SDK2: variants seen among roughly 807,000 people sequenced by gnomAD.
The protein encoded by SDK2 is sidekick cell adhesion molecule 2.
In SDK2, 105 loss-of-function variants were observed where a neutral mutation model predicts 253.9. That is an observed-to-expected ratio of 0.41 (90% CI 0.35 to 0.49). The LOEUF is 0.49. Among genes scored for constraint, SDK2 ranks in the 20% least tolerant of loss-of-function variants. SDK2 has a pLI of 0.06. For synonymous variants in SDK2, 1,249 were observed against 1,234.9 expected, an observed-to-expected ratio of 1.01 and a Z score of -0.24; for missense variants, 2,608 against 3,003.0, an observed-to-expected ratio of 0.87 and a Z score of 3.07.
At chr17:73,533,353 C>T (rs2064185817) in intron 1 of SDK2, among the ~76,000 whole-genome samples, 1 of 152,232 alleles carries the variant, frequency 6.6e-6, no homozygotes, top group South Asian at 2.1e-4. Flanking sequence ...GGCTGCCGAG[C>T]CTGGAGGAAT....
chr17:73,569,847 C>T (rs541647966), intron 1 of SDK2, among the ~76,000 whole-genome samples: 3 of 152,132 alleles, frequency 2.0e-5, no homozygotes, highest in South Asian at 4.2e-4. Context: ...AAGCCTGTAC[C>T]CTTCCTTCCT....
intron 1 of SDK2, among the ~76,000 whole-genome samples, chr17:73,586,229 A>G (rs2145890462): frequency 6.6e-6 from 1 of 151,926 alleles, no homozygotes; most frequent in Middle Eastern, 3.4e-3. Flanking sequence ...CCTGCTGGCT[A>G]GCTCTCCCTG....
chr17:73,461,610 G>T (rs537417912), intron 3 of SDK2, among the ~76,000 whole-genome samples: 46 of 152,314 alleles, frequency 3.0e-4, no homozygotes, highest in Admixed American at 7.8e-4. Flanking sequence ...CCATGGATTT[G>T]TTCAGTGGAT....
At chr17:73,587,831 C>T (rs997267538) in intron 1 of SDK2, among the ~76,000 whole-genome samples, 2 of 152,180 alleles carry the variant, frequency 1.3e-5, no homozygotes, top group Admixed American at 6.5e-5. Flanking sequence ...CTTCTCATTG[C>T]TTTGTGAGTC....
rs760053808 is a variant in SDK2 at position 73,398,197 on chromosome 17, G to A, written c.3204-12C>T. ...GGCGCATGCGGAAGCTGGGGTTGGG[G>A]AGAGATGAGCAAGATGGTAAGGGCA... is the stretch of plus-strand genomic sequence containing the variant. On this transcript the variant is annotated splice_polypyrimidine_tract_variant and intron_variant, in intron 23 of 44. Transcript: ENST00000392650. The A allele has an allele frequency of 9.9e-6, 16 of 1,609,062 alleles. No individual in the cohort carries two copies. Among genetic ancestry groups the A allele is most frequent in the Non-Finnish European group, 1.4e-5 (16 of 1,177,382 alleles).
Position 73,350,869 on chromosome 17 carries a change from C to A in SDK2, c.5759-79G>T. ...ATCTCCTGCTCCAGTTGGGACCCTA[C>A]TAACTGCTACAATCTATGGGAAGGC... On this transcript the variant is annotated intron_variant, in intron 41 of 44. Transcript: ENST00000392650. 4.2e-6 allele frequency: 6 copies of A among 1,439,548 alleles called. No homozygotes were observed. In the South Asian group the frequency reaches 6.6e-5, roughly 16 times the overall value. The allele number at this position is 1,439,548 out of a possible 1,614,324, so 89.2% of individuals were successfully genotyped here. A position where few individuals can be genotyped will look rare whatever the true frequency, so the allele number is the denominator to read the frequency against.
At chr17:73,438,693 GGT>G (rs756590862) in intron 6 of SDK2, among the ~76,000 whole-genome samples, 4 of 152,100 alleles carry the variant, frequency 2.6e-5, no homozygotes, top group Admixed American at 6.5e-5. Flanking sequence ...GAAGAGCAAG[GGT>G]GTGAGTCTGG....
At chr17:73,426,579 T>C (rs1052137089) in intron 12 of SDK2, among the ~76,000 whole-genome samples, 6 of 152,182 alleles carry the variant, frequency 3.9e-5, no homozygotes, top group African/African-American at 1.2e-4. Context: ...GCAAAATGTT[T>C]ACAACCATTC....
chr17:73,415,731 CTCCCGTCTTGGCG>C, intron 17 of SDK2, 67 bp downstream of exon 17: 4 of 1,287,446 alleles, frequency 3.1e-6, no homozygotes, highest in Non-Finnish European at 3.2e-6. Flanking sequence ...TTGAGCAATC[CTCCCGTCTTGGCG>C]TCCCAAAGTG....
chr17:73,387,767 G>T, intron 30 of SDK2, 69 bp downstream of exon 30: 1 of 1,399,966 alleles, frequency 7.1e-7, no homozygotes. Context: ...CCCCTACCCA[G>T]TGGAGGAGCA....
chr17:73,536,501 C>T (rs376454774), intron 1 of SDK2, among the ~76,000 whole-genome samples: 2 of 152,344 alleles, frequency 1.3e-5, no homozygotes, highest in African/African-American at 4.8e-5. Flanking sequence ...CACCTGGGCA[C>T]CTCCCACCTC....
At chr17:73,398,478 G>T in intron 22 of SDK2, 49 bp from the exon 23 acceptor site, 2 of 1,511,620 alleles carry the variant, frequency 1.3e-6, no homozygotes, top group Non-Finnish European at 1.8e-6. Context: ...GGGCCCACAC[G>T]GGGTGCTCCG....
chr17:73,429,246 G>C (rs1440604160), intron 12 of SDK2, among the ~76,000 whole-genome samples: 2 of 152,078 alleles, frequency 1.3e-5, no homozygotes, highest in African/African-American at 2.4e-5. Flanking sequence ...TCTCTCCCAG[G>C]ACCTTTTTTA....
At chr17:73,552,664 G>A (rs954232222) in intron 1 of SDK2, among the ~76,000 whole-genome samples, 1 of 152,224 alleles carries the variant, frequency 6.6e-6, no homozygotes, top group Admixed American at 6.5e-5. Context: ...TAAGTCACTT[G>A]GCAGGATACG....
rs144525453 is a variant in SDK2 at position 73,338,618 on chromosome 17, G to A, written c.6488C>T (p.Ala2163Val). 5.2e-4 allele frequency: 797 copies of A among 1,528,034 alleles called. 2 individuals carry two copies. The African/African-American group carries it at 0.01, about 20-fold the overall frequency. 94.7% of individuals were successfully genotyped at this position (1,528,034 alleles called of 1,614,324 possible). Residue 2163 changes from alanine (A) to valine (V), a missense_variant, in exon 45 of 45, where the codon GCT becomes GTT. Physicochemically the swap from Ala to Val is moderately conservative, Grantham distance 64. Coordinates refer to ENST00000392650, the MANE Select transcript of SDK2 (RefSeq NM_001144952.2). The surrounding 1 kb of genome is among the most constrained non-coding windows in gnomAD (Gnocchi z 5.0). Reference sequence around the variant, plus strand: ...AAATGATGAAAATCCTGCTATGGGAGCCCGGGAGCCTGGGGCCAGGCTGCT... The same window carrying A: ...AAATGATGAAAATCCTGCTATGGGAACCCGGGAGCCTGGGGCCAGGCTGCT... ...PPSSLAPGSR[A>V]PIAGFSSFV
intron 1 of SDK2, among the ~76,000 whole-genome samples, chr17:73,508,283 C>T (rs375984556): frequency 6.6e-5 from 10 of 152,272 alleles, no homozygotes; most frequent in East Asian, 5.8e-4. Flanking sequence ...GACTCAGCCT[C>T]GCAGACCTCC....
intron 15 of SDK2, among the ~76,000 whole-genome samples, chr17:73,421,597 A>C (rs1167553361): frequency 7.6e-5 from 2 of 26,184 alleles, no homozygotes; most frequent in East Asian, 9.6e-4. Flanking sequence ...TTTTTTTTTG[A>C]GACAGTCTTG....
At chr17:73,377,990 C>T (rs1363167876) in intron 36 of SDK2, among the ~76,000 whole-genome samples, 3 of 152,202 alleles carry the variant, frequency 2.0e-5, no homozygotes, top group Admixed American at 2.0e-4. Flanking sequence ...AACCCATATC[C>T]TCCCAGCTTC....
rs746513867 is a variant in SDK2 at position 73,338,844 on chromosome 17, G to A, written c.6262C>T (p.Arg2088Trp). The change falls in exon 45 of 45, where the codon CGG becomes TGG. Residue 2088 changes from arginine (R) to tryptophan (W), a missense_variant. Arg to Trp is a moderately radical substitution (Grantham distance 101, BLOSUM62 -3). Around this residue, in one of 2 missense-constraint regions of SDK2, gnomAD observed 1,103 missense variants for 1,143.9 expected, o/e 0.96. Transcript: ENST00000392650. The surrounding 1 kb of genome is among the most constrained non-coding windows in gnomAD (Gnocchi z 5.0). ...CTCGAGATGCCCTTCTGCTGTCGCCGCCACGAGTTGTAGTATGTGGGGTCA... is the reference window on the plus strand; with the variant it reads ...CTCGAGATGCCCTTCTGCTGTCGCCACCACGAGTTGTAGTATGTGGGGTCA... ...ISDPTYYNSW[R>W]RQQKGISRAQ... is the part of the protein sequence containing the mutation. 58 of 1,613,876 alleles carry A rather than the reference G, an allele frequency of 3.6e-5. No individual in the cohort carries two copies. The highest frequency in any genetic ancestry group is 4.3e-5 in the Non-Finnish European group (51 of 1,179,900).
Sources: allele counts gnomAD v4.1 joint callset (sites outside exome capture counted in the v4.1 genomes callset), GRCh38; gene constraint gnomAD v4.1.1; regional missense constraint gnomAD v4.1.1; non-coding constraint Gnocchi (gnomAD v3.1); transcripts MANE v1.5; gene names NCBI Gene and HGNC (gene_info 2026-07-23, HGNC 2026-07-21).